Variants in ADAMTSL1 observed in about 807,000 individuals in gnomAD.
ADAMTSL1 encodes ADAMTS-like protein 1.
In ADAMTSL1, 126 loss-of-function variants were observed where a neutral mutation model predicts 201.8. That is an observed-to-expected ratio of 0.62 (90% CI 0.54 to 0.72). The LOEUF is 0.72. Ranked by LOEUF, ADAMTSL1 falls within the 30% of genes least tolerant of loss-of-function variation. The pLI is 0.00. For synonymous variants in ADAMTSL1, 1,121 were observed against 903.4 expected, an observed-to-expected ratio of 1.24 and a Z score of -4.32; for missense variants, 2,679 against 2,277.8, an observed-to-expected ratio of 1.18 and a Z score of -3.59.
rs1456341102 is a variant in ADAMTSL1 at position 18,251,682 on chromosome 9, TG to T, written c.207+87702del. On this transcript the variant is annotated intron_variant, in intron 2 of 29. Coordinates refer to the ADAMTSL1 transcript ENST00000680146. ...CCCAAGAAAGTCCTGGGAAAAGAGT[TG>T]TGTGTGAAGCTTGCCTTACAAATTG... is the stretch of plus-strand genomic sequence containing the variant. Among the ~76,000 whole-genome samples the T allele has an allele frequency of 2.0e-5, 3 of 152,314 alleles. No individual in the cohort carries two copies. The South Asian group carries it at 6.2e-4, about 32-fold the overall frequency.
chr9:18,184,531 A>C (rs1456066788), intron 2 of ADAMTSL1, among the ~76,000 whole-genome samples: 1 of 152,204 alleles, frequency 6.6e-6, no homozygotes, highest in African/African-American at 2.4e-5. Context: ...AAAGAAGGGA[A>C]ACTTCCGCTT....
chr9:18,452,203 G>A (rs962718780), intron 2 of ADAMTSL1, among the ~76,000 whole-genome samples: 13 of 151,976 alleles, frequency 8.6e-5, no homozygotes, highest in South Asian at 4.2e-4. Flanking sequence ...ATGAGCCACC[G>A]CACCCTGCCC....
intron 4 of ADAMTSL1, among the ~76,000 whole-genome samples, chr9:18,619,865 T>G (rs1048338323): frequency 3.3e-5 from 5 of 152,132 alleles, no homozygotes; most frequent in African/African-American, 1.2e-4. Context: ...TTCCACATGG[T>G]CAAGGATCTT....
intron 2 of ADAMTSL1, among the ~76,000 whole-genome samples, chr9:18,187,054 A>G (rs1828769559): frequency 6.6e-6 from 1 of 152,060 alleles, no homozygotes; most frequent in South Asian, 2.1e-4. Context: ...TGAGAGCAAA[A>G]TTGTTTCTGG....
chr9:17,971,834 A>G (rs1334272276), intron 1 of ADAMTSL1, among the ~76,000 whole-genome samples: 1 of 151,966 alleles, frequency 6.6e-6, no homozygotes, highest in Admixed American at 6.6e-5. Flanking sequence ...ATATGGGGAA[A>G]AAGACAACTT....
chr9:18,235,557 G>C (rs1213927494), intron 2 of ADAMTSL1, among the ~76,000 whole-genome samples: 3 of 152,136 alleles, frequency 2.0e-5, no homozygotes, highest in African/African-American at 7.2e-5. Flanking sequence ...ATAATTAATA[G>C]AATACTGAGA....
At chr9:18,759,380 C>T (rs1404743453) in intron 16 of ADAMTSL1, among the ~76,000 whole-genome samples, 1 of 152,152 alleles carries the variant, frequency 6.6e-6, no homozygotes, top group Non-Finnish European at 1.5e-5. Context: ...TTTAAACATA[C>T]ATACATACCT....
chr9:18,274,363 C>CA (rs141724244), intron 2 of ADAMTSL1, among the ~76,000 whole-genome samples: 6,938 of 152,178 alleles, frequency 0.046, 247 homozygotes, highest in Non-Finnish European at 0.074. Flanking sequence ...ATATGGAGTA[C>CA]AAAATCACAC....
intron 3 of ADAMTSL1, among the ~76,000 whole-genome samples, chr9:18,536,367 C>G (rs944022199): frequency 1.3e-5 from 2 of 151,918 alleles, no homozygotes; most frequent in East Asian, 3.9e-4. Context: ...TTTTGTAGAA[C>G]CGCTACATAT....
intron 1 of ADAMTSL1, among the ~76,000 whole-genome samples, chr9:18,061,775 A>T (rs186585001): frequency 6.6e-6 from 1 of 152,236 alleles, no homozygotes; most frequent in Non-Finnish European, 1.5e-5. Context: ...TTTATATTTC[A>T]CAGAGATCAG....
intron 22 of ADAMTSL1, among the ~76,000 whole-genome samples, chr9:18,829,267 G>A (rs144448432): frequency 3.3e-5 from 5 of 152,248 alleles, no homozygotes; most frequent in African/African-American, 1.2e-4. Flanking sequence ...TCTCCTCCCT[G>A]CTTTATCTAG....
At chr9:17,956,226 T>C (rs1827926148) in intron 1 of ADAMTSL1, among the ~76,000 whole-genome samples, 1 of 152,186 alleles carries the variant, frequency 6.6e-6, no homozygotes, top group African/African-American at 2.4e-5. Context: ...TCTTCTGTGG[T>C]AAATGCCGTC....
chr9:18,474,350 TGGG>T, intron 1 of ADAMTSL1, 55 bp downstream of exon 1: 2 of 1,571,246 alleles, frequency 1.3e-6, no homozygotes, highest in Non-Finnish European at 1.8e-6. Context: ...TGGGTGCTGT[TGGG>T]GGTGTGTGTG....
At chr9:18,023,487 A>T (rs1407918164) in intron 1 of ADAMTSL1, among the ~76,000 whole-genome samples, 1 of 152,212 alleles carries the variant, frequency 6.6e-6, no homozygotes, top group Non-Finnish European at 1.5e-5. Context: ...TGGGGTCAAG[A>T]ACCCCAAGAT....
intron 23 of ADAMTSL1, among the ~76,000 whole-genome samples, chr9:18,858,654 A>T (rs1827017633): frequency 6.6e-6 from 1 of 152,172 alleles, no homozygotes; most frequent in Admixed American, 6.5e-5. Context: ...TGCAGGAAGG[A>T]TCTGCTTGGC....
intron 2 of ADAMTSL1, among the ~76,000 whole-genome samples, chr9:18,418,912 G>A (rs1225114465): frequency 1.3e-5 from 2 of 152,166 alleles, no homozygotes; most frequent in Non-Finnish European, 1.5e-5. Context: ...AAAGTTGGAG[G>A]AATTACATTA....
chr9:17,924,523 A>C (rs1471397208), intron 1 of ADAMTSL1, among the ~76,000 whole-genome samples: 1 of 148,398 alleles, frequency 6.7e-6, no homozygotes, highest in Non-Finnish European at 1.5e-5. Flanking sequence ...TCAATGGAAC[A>C]GAACAGAGCC....
At chr9:18,472,107 A>T (rs914882497), upstream of ADAMTSL1, among the ~76,000 whole-genome samples, 6 of 152,222 alleles carry the variant, frequency 3.9e-5, no homozygotes, top group African/African-American at 1.4e-4. Flanking sequence ...TTCCATTAAT[A>T]GAACTAGCTG....
intron 20 of ADAMTSL1, among the ~76,000 whole-genome samples, chr9:18,804,502 T>C (rs1160335448): frequency 6.6e-6 from 1 of 152,206 alleles, no homozygotes; most frequent in Non-Finnish European, 1.5e-5. Flanking sequence ...AGATCTTGCA[T>C]GTTAATATAA....
Sources: gnomAD v4.1 joint callset for allele counts (sites outside exome capture counted in the v4.1 genomes callset) on GRCh38, gnomAD v4.1.1 for gene constraint, MANE v1.5 for transcripts, NCBI Gene and HGNC (gene_info 2026-07-23, HGNC 2026-07-21) for gene names.